The following RPL22 variants were observed in gnomAD, a reference collection of about 807,000 sequenced individuals.
RPL22 encodes the protein large ribosomal subunit protein eL22.
RPL22 carries 4 observed loss-of-function variants against 16.2 expected under a neutral mutation model. The observed-to-expected ratio is 0.25, with a 90% CI of 0.12 to 0.57. The LOEUF is 0.57. Ranked by LOEUF, RPL22 falls within the 20% of genes least tolerant of loss-of-function variation. The pLI, the probability that RPL22 is intolerant of heterozygous loss-of-function variation, is 0.92. For synonymous variants in RPL22, 43 were observed against 54.8 expected (o/e 0.78, Z 0.95); for missense variants, 83 against 156.1 (o/e 0.53, Z 2.49).
intron 3 of RPL22, among the ~76,000 whole-genome samples, chr1:6,192,462 C>G (rs1002642079): frequency 2.0e-5 from 3 of 152,182 alleles, no homozygotes; most frequent in African/African-American, 7.2e-5. Context: ...CTTTGGGAAG[C>G]CAAGGCGGGT....
intron 2 of RPL22, 86 bp from the exon 3 acceptor site, chr1:6,193,140 A>G (rs1354044160): frequency 7.3e-6 from 11 of 1,514,532 alleles, no homozygotes; most frequent in East Asian, 2.3e-5. Flanking sequence ...CACTGAACTA[A>G]TATCATTTTT....
At chr1:6,192,210 A>G (rs971603644) in intron 3 of RPL22, among the ~76,000 whole-genome samples, 4 of 152,038 alleles carry the variant, frequency 2.6e-5, no homozygotes, top group African/African-American at 9.7e-5. Flanking sequence ...CACCATGCCC[A>G]GCTAATTTTA....
At position 6,185,303 on chromosome 1, in the gene RPL22, T is replaced by C. The variant is rs568108111; in HGVS notation, c.*1369A>G. ...AGTTAATAATCATGGTTAAGGGACA[T>C]TGCCAAAGAGCAACTGATGCCTCAG... On this transcript the variant is annotated 3_prime_UTR_variant, in exon 4 of 4. Coordinates refer to ENST00000234875, the MANE Select transcript of RPL22 (RefSeq NM_000983.4). The C allele has an allele frequency of 2.3e-5, 9 of 399,066 alleles. No individual in the cohort carries two copies. The highest frequency in any genetic ancestry group is 1.4e-4 in the African/African-American group (7 of 48,760). The allele number at this position is 399,066 out of a possible 1,614,324, so 24.7% of individuals were successfully genotyped here. A position where few individuals can be genotyped will look rare whatever the true frequency, so the allele number is the denominator to read the frequency against.
chr1:6,191,903 G>A (rs1571186307), intron 3 of RPL22, among the ~76,000 whole-genome samples: 2 of 151,552 alleles, frequency 1.3e-5, no homozygotes, highest in East Asian at 3.9e-4. Flanking sequence ...GGAAGCTGAG[G>A]CAGGAGAATC....
In RPL22 at chr1:6,185,212, AAAAT is replaced by A; in HGVS notation, c.*1456_*1459del. The A allele has an allele frequency of 2.5e-6, 1 of 398,112 alleles. No homozygotes were observed. The allele number at this position is 398,112 out of a possible 1,614,324, so 24.7% of individuals were successfully genotyped here. A position where few individuals can be genotyped will look rare whatever the true frequency, so the allele number is the denominator to read the frequency against. Reference sequence around the variant, plus strand: ...CCAGGGTTTTTTCACAACCAAACTAAAAATGACTTACTACATGGGAACATCAATG... The same window carrying A: ...CCAGGGTTTTTTCACAACCAAACTAAGACTTACTACATGGGAACATCAATG... On this transcript the variant is annotated 3_prime_UTR_variant, in exon 4 of 4. Coordinates refer to ENST00000234875, the MANE Select transcript of RPL22 (RefSeq NM_000983.4).
intron 3 of RPL22, among the ~76,000 whole-genome samples, chr1:6,191,764 G>T (rs964669638): frequency 1.3e-5 from 2 of 152,096 alleles, no homozygotes. Flanking sequence ...TTGGGAGGCT[G>T]AGGCAGACGA....
rs1667577006 is a variant in RPL22, at chr1:6,185,908, G to C, written c.*764C>G. 1.7e-5 allele frequency: 4 copies of C among 230,530 alleles called. No individual in the cohort carries two copies. In the Admixed American group the frequency reaches 2.3e-4, roughly 13 times the overall value. The allele number at this position is 230,530 out of a possible 1,614,324, so 14.3% of individuals were successfully genotyped here. The stretch of plus-strand genomic sequence containing the variant: ...TCTTTCAAGAACCTCCAGAGCTCTT[G>C]GCATCAGGGGCCCCCATTGCTGGGC... On this transcript the variant is annotated 3_prime_UTR_variant, in exon 4 of 4. Transcript: ENST00000234875.
intron 2 of RPL22, among the ~76,000 whole-genome samples, chr1:6,194,888 T>C (rs1667695009): frequency 1.3e-5 from 2 of 151,890 alleles, no homozygotes; most frequent in Admixed American, 1.3e-4. Flanking sequence ...TCTCAAAAAA[T>C]AAAAATTTGG....
chr1:6,187,247 G>A (rs1420161978), intron 3 of RPL22, among the ~76,000 whole-genome samples: 1 of 152,136 alleles, frequency 6.6e-6, no homozygotes, highest in African/African-American at 2.4e-5. Flanking sequence ...GGCGGAGGGT[G>A]TAGTGAGCTA....
intron 2 of RPL22, 138 bp from the exon 3 acceptor site, chr1:6,193,192 G>A (rs1248060835): frequency 1.8e-5 from 18 of 978,492 alleles, no homozygotes; most frequent in Non-Finnish European, 2.8e-5. Context: ...CGCAATCACA[G>A]CTCACTGCAG....
Position 6,185,456 on chromosome 1 carries a change from C to T in RPL22, c.*1216G>A, listed in dbSNP as rs1366108532. 2.5e-6 allele frequency: 1 copy of T among 398,484 alleles called. No individual in the cohort carries two copies. Among genetic ancestry groups the T allele is most frequent in the East Asian group, 3.6e-5 (1 of 28,070 alleles). 24.7% of individuals were successfully genotyped at this position (398,484 alleles called of 1,614,324 possible). A position where few individuals can be genotyped will look rare whatever the true frequency, so the allele number is the denominator to read the frequency against. ...TTTAACACAAGTGAAATTGCAAAGC[C>T]TCAACACGTTCAACTCAATCCACAG... On this transcript the variant is annotated 3_prime_UTR_variant, in exon 4 of 4. Transcript: ENST00000234875.
intron 2 of RPL22, among the ~76,000 whole-genome samples, 150 bp downstream of exon 2, chr1:6,197,495 AAACAAGT>A (rs1479884093): frequency 6.6e-6 from 1 of 152,220 alleles, no homozygotes; most frequent in African/African-American, 2.4e-5. Context: ...ACTTGGAAAC[AAACAAGT>A]AATCTGCCCA....
Position 6,186,315 on chromosome 1 carries a change from T to C in RPL22, c.*357A>G, listed in dbSNP as rs2100900050. The C allele has an allele frequency of 3.8e-6, 1 of 262,244 alleles. No homozygotes were observed. The highest frequency in any genetic ancestry group is 2.2e-5 in the African/African-American group (1 of 46,190). The allele number at this position is 262,244 out of a possible 1,614,324, so 16.2% of individuals were successfully genotyped here. A position where few individuals can be genotyped will look rare whatever the true frequency, so the allele number is the denominator to read the frequency against. On this transcript the variant is annotated 3_prime_UTR_variant, in exon 4 of 4. Transcript: ENST00000234875. ...TTAATGAATGAGAGAAGCCCATTTG[T>C]ATCCCTGAATCATTGAGAAAAGCAA...
intron 3 of RPL22, among the ~76,000 whole-genome samples, chr1:6,192,420 G>A (rs1004976096): frequency 6.6e-6 from 1 of 152,174 alleles, no homozygotes; most frequent in South Asian, 2.1e-4. Flanking sequence ...TAGCCTGGCC[G>A]GGCATGGTGG....
At chr1:6,194,383 G>A (rs1347024374) in intron 2 of RPL22, among the ~76,000 whole-genome samples, 3 of 152,198 alleles carry the variant, frequency 2.0e-5, no homozygotes, top group Non-Finnish European at 4.4e-5. Flanking sequence ...CCAGGGCCAT[G>A]TGTGGTACAG....
chr1:6,187,007 G>A (rs1018227668), intron 3 of RPL22, among the ~76,000 whole-genome samples, 191 bp from the exon 4 acceptor site: 1 of 152,138 alleles, frequency 6.6e-6, no homozygotes, highest in African/African-American at 2.4e-5. Context: ...CATCGACATC[G>A]GCAGTAACAA....
In RPL22 at chr1:6,185,544, C is replaced by T. The variant is rs1667573261; in HGVS notation, c.*1128G>A. 3 of 395,438 alleles carry T rather than the reference C, an allele frequency of 7.6e-6. No individual in the cohort carries two copies. The highest frequency in any genetic ancestry group is 1.3e-5 in the Non-Finnish European group (3 of 224,436). 24.5% of individuals were successfully genotyped at this position (395,438 alleles called of 1,614,324 possible). ...GCATTGAACTTCCAGCTATGCAACT[C>T]GCAGGGCACAATTTCAAGTGTGGAA... is the stretch of plus-strand genomic sequence containing the variant. On this transcript the variant is annotated 3_prime_UTR_variant, in exon 4 of 4. Transcript: ENST00000234875.
intron 3 of RPL22, 30 bp from the exon 4 acceptor site, chr1:6,186,846 A>G (rs952444467): frequency 1.2e-5 from 20 of 1,609,862 alleles, no homozygotes; most frequent in Non-Finnish European, 1.7e-5. Flanking sequence ...GAACTCCACT[A>G]GACAGTTGGT....
At chr1:6,191,359 CAAAAA>C (rs769446432) in intron 3 of RPL22, among the ~76,000 whole-genome samples, 3 of 32,416 alleles carry the variant, frequency 9.3e-5, no homozygotes, top group South Asian at 1.5e-3. Flanking sequence ...GACTCCGTCT[CAAAAA>C]AAAAAAAAAA....
Sources: allele counts gnomAD v4.1 joint callset (sites outside exome capture counted in the v4.1 genomes callset), GRCh38; gene constraint gnomAD v4.1.1; transcripts MANE v1.5; gene names NCBI Gene and HGNC (gene_info 2026-07-23, HGNC 2026-07-21).